The following KRT8 variants were observed in gnomAD, a reference collection of about 807,000 sequenced individuals.
KRT8 encodes keratin, type II cytoskeletal 8.
Under a neutral mutation model 43.0 loss-of-function variants are expected in KRT8, and 24 were observed. The ratio of observed to expected loss-of-function variants is 0.56; its 90% CI spans 0.40 to 0.78. The LOEUF is 0.78. Among genes scored for constraint, KRT8 ranks in the 30% least tolerant of loss-of-function variants. KRT8 has a pLI of 0.00. For synonymous variants in KRT8, 214 were observed against 261.2 expected (o/e 0.82, Z 1.74); for missense variants, 492 against 638.4 (o/e 0.77, Z 2.47).
chr12:52,939,632 G>C (rs760620733), intron 2 of KRT8, among the ~76,000 whole-genome samples: 3 of 151,460 alleles, frequency 2.0e-5, no homozygotes, highest in Non-Finnish European at 4.4e-5. Context: ...TGAAGTATGA[G>C]AATCACTTGA....
In KRT8 at chr12:52,917,975, G is replaced by GGAAGAA. The variant is rs755910762; in HGVS notation, c.-46-12954_-46-12949dup. On this transcript the variant is annotated intron_variant, in intron 2 of 6. Transcript: ENST00000546826. ...AAGAGGAAGAAGAAGAAGAGGAAGA[G>GGAAGAA]GAAGAAGAAGAAGAAGGAGAGGAAG... Among the ~76,000 whole-genome samples the GGAAGAA allele has an allele frequency of 8.2e-5, 11 of 134,568 alleles. No homozygotes were observed. The Admixed American group carries it at 8.2e-4, about 10-fold the overall frequency. 88.3% of individuals were successfully genotyped at this position (134,568 alleles called of 152,430 possible).
upstream of KRT8, among the ~76,000 whole-genome samples, chr12:52,908,623 G>A (rs938135990): frequency 6.6e-6 from 1 of 152,196 alleles, no homozygotes; most frequent in Non-Finnish European, 1.5e-5. Flanking sequence ...GAGACAGGAA[G>A]TAGATTAGTG....
chr12:52,932,829 A>G (rs1942106689), intron 2 of KRT8, among the ~76,000 whole-genome samples: 1 of 152,118 alleles, frequency 6.6e-6, no homozygotes, highest in African/African-American at 2.4e-5. Flanking sequence ...AAACAAAAAA[A>G]TCCTGAAGAA....
At chr12:52,926,332 G>GCCCAACCCCCC in intron 2 of KRT8, 1 of 600,272 alleles carries the variant, frequency 1.7e-6, no homozygotes, top group Non-Finnish European at 3.0e-6. Context: ...GGCACTAGCT[G>GCCCAACCCCCC]CCCTCCCCAC....
intron 2 of KRT8, among the ~76,000 whole-genome samples, chr12:52,913,429 C>A (rs1307962691): frequency 2.0e-5 from 3 of 152,198 alleles, no homozygotes; most frequent in Admixed American, 6.5e-5. Flanking sequence ...TGGCTTCAGA[C>A]TGAAAACAAT....
intron 2 of KRT8, among the ~76,000 whole-genome samples, chr12:52,941,423 T>C (rs2120732974): frequency 6.6e-6 from 1 of 151,776 alleles, no homozygotes; most frequent in African/African-American, 2.4e-5. Flanking sequence ...GTGCCAAGTG[T>C]TCTATCTGCG....
At chr12:52,938,719 G>A (rs1244661177) in intron 2 of KRT8, among the ~76,000 whole-genome samples, 1 of 151,950 alleles carries the variant, frequency 6.6e-6, no homozygotes, top group Non-Finnish European at 1.5e-5. Context: ...CCAGGTTCAC[G>A]CTGTTCTCTT....
At chr12:52,898,925 G>T (rs1204284586) in intron 5 of KRT8, 26 bp from the exon 6 acceptor site, 1 of 1,605,308 alleles carries the variant, frequency 6.2e-7, no homozygotes, top group South Asian at 1.1e-5. Flanking sequence ...CAGGTAAGTA[G>T]GTCAGGTTGG....
At chr12:52,902,098 A>C (rs1215754114) in intron 1 of KRT8, 26 bp from the exon 2 acceptor site, 17 of 1,469,506 alleles carry the variant, frequency 1.2e-5, no homozygotes, top group Non-Finnish European at 1.6e-5. Context: ...GAGAGCAAAA[A>C]GGTCTACATC....
At chr12:52,918,245 A>AAGAAGAAGAAGAAGG in intron 2 of KRT8, among the ~76,000 whole-genome samples, 1 of 151,366 alleles carries the variant, frequency 6.6e-6, no homozygotes, top group Admixed American at 6.6e-5. Flanking sequence ...GAAGAAGAAG[A>AAGAAGAAGAAGAAGG]AGAAGAAGAA....
intron 2 of KRT8, among the ~76,000 whole-genome samples, chr12:52,926,954 GA>G (rs1259052616): frequency 1.3e-5 from 2 of 152,104 alleles, no homozygotes; most frequent in African/African-American, 2.4e-5. Flanking sequence ...ATGAATGAAT[GA>G]ATGAATGAAT....
At chr12:52,930,829 G>C (rs1303810444) in intron 2 of KRT8, among the ~76,000 whole-genome samples, 1 of 152,076 alleles carries the variant, frequency 6.6e-6, no homozygotes, top group Non-Finnish European at 1.5e-5. Context: ...CAAAGTGCTG[G>C]CATTACAGGC....
intron 2 of KRT8, among the ~76,000 whole-genome samples, chr12:52,937,203 TC>T: frequency 6.6e-6 from 1 of 150,618 alleles, no homozygotes; most frequent in Middle Eastern, 3.5e-3. Flanking sequence ...AAACCCTGTC[TC>T]TACTGAAATA....
At chr12:52,906,774 C>T (rs1425323936), upstream of KRT8, 1 of 455,882 alleles carries the variant, frequency 2.2e-6, no homozygotes, top group Non-Finnish European at 4.4e-6. Flanking sequence ...GGTGACATAG[C>T]CCTGACCCAG....
chr12:52,917,416 A>G (rs1344097492), intron 2 of KRT8, among the ~76,000 whole-genome samples: 6 of 150,512 alleles, frequency 4.0e-5, no homozygotes, highest in Non-Finnish European at 8.9e-5. Flanking sequence ...AAAAAAGAAA[A>G]AAAAGAAAAG....
intron 2 of KRT8, among the ~76,000 whole-genome samples, chr12:52,923,565 G>A (rs1592178037): frequency 6.6e-6 from 1 of 151,964 alleles, no homozygotes; most frequent in South Asian, 2.1e-4. Context: ...GACTACAGGC[G>A]CCAGCCACCA....
chr12:52,937,155 G>A (rs1942181522), intron 2 of KRT8, among the ~76,000 whole-genome samples: 2 of 152,092 alleles, frequency 1.3e-5, no homozygotes, highest in African/African-American at 2.4e-5. Flanking sequence ...TGGACTGCCT[G>A]AGCTCAGGAG....
chr12:52,926,288 T>A (rs2120680807), intron 2 of KRT8: 1 of 792,742 alleles, frequency 1.3e-6, no homozygotes, highest in Non-Finnish European at 2.0e-6. Flanking sequence ...GTCAAATTCC[T>A]CATCTGGTGG....
chr12:52,923,512 T>A (rs1262616630), intron 2 of KRT8, among the ~76,000 whole-genome samples: 1 of 151,914 alleles, frequency 6.6e-6, no homozygotes, highest in African/African-American at 2.4e-5. Flanking sequence ...CTCTGCCTCC[T>A]GGGTTCACGC....
Sources: gnomAD v4.1 joint callset for allele counts (sites outside exome capture counted in the v4.1 genomes callset) on GRCh38, gnomAD v4.1.1 for gene constraint, MANE v1.5 for transcripts, NCBI Gene and HGNC (gene_info 2026-07-23, HGNC 2026-07-21) for gene names.